CLDN16: variants seen among roughly 807,000 people sequenced by gnomAD.
CLDN16 encodes claudin 16, also known as claudin-16.
In CLDN16, 13 loss-of-function variants were observed where a neutral mutation model predicts 24.6. The ratio of observed to expected loss-of-function variants is 0.53; its 90% CI spans 0.34 to 0.84. CLDN16 has a LOEUF of 0.84. CLDN16 is among the 40% of genes least tolerant of loss of function. The pLI, the probability that CLDN16 is intolerant of heterozygous loss-of-function variation, is 0.01. For missense variants in CLDN16, 298 were observed against 292.7 expected, an observed-to-expected ratio of 1.02 and a Z score of -0.13; for synonymous variants, 116 against 106.7, an observed-to-expected ratio of 1.09 and a Z score of -0.54.
At chr3:190,323,578 GC>G (rs1403515675) in intron 1 of CLDN16, among the ~76,000 whole-genome samples, 1 of 152,142 alleles carries the variant, frequency 6.6e-6, no homozygotes, top group East Asian at 1.9e-4. Context: ...GGGAGGGGAA[GC>G]TTCTATGGTT....
At chr3:190,393,183 G>A (rs1178462648) in intron 1 of CLDN16, among the ~76,000 whole-genome samples, 1 of 152,182 alleles carries the variant, frequency 6.6e-6, no homozygotes, top group Non-Finnish European at 1.5e-5. Flanking sequence ...GGCAATTGGA[G>A]GGGTGGTGAT....
the CLDN16 span, among the ~76,000 whole-genome samples, chr3:190,299,481 T>C: frequency 6.6e-6 from 1 of 152,184 alleles, no homozygotes. Context: ...GTTTTGTTTT[T>C]GTGTCTTATT....
intron 1 of CLDN16, among the ~76,000 whole-genome samples, chr3:190,344,538 T>G (rs3909579): frequency 0.047 from 7,183 of 151,966 alleles, 568 homozygotes; most frequent in African/African-American, 0.16. Flanking sequence ...TACTATGTAT[T>G]CTGTAAATGC....
chr3:190,335,708 CAAA>C (rs34082811), intron 1 of CLDN16, among the ~76,000 whole-genome samples: 6 of 60,140 alleles, frequency 1.0e-4, no homozygotes, highest in South Asian at 9.4e-4. Context: ...AAGACTCCAT[CAAA>C]AAAAAAAAAA....
the CLDN16 span, among the ~76,000 whole-genome samples, chr3:190,305,164 C>T: frequency 1.3e-5 from 2 of 152,204 alleles, no homozygotes; most frequent in African/African-American, 4.8e-5. Flanking sequence ...TGAGACTCCA[C>T]ATTAGAGCTG....
intron 1 of CLDN16, among the ~76,000 whole-genome samples, chr3:190,363,589 T>TATATAC (rs1717953458): frequency 1.4e-5 from 2 of 138,668 alleles, no homozygotes; most frequent in East Asian, 4.3e-4. Flanking sequence ...TATATATATA[T>TATATAC]ATATATATTT....
In CLDN16 at chr3:190,408,373, A is replaced by G. The variant is rs780153615; in HGVS notation, c.442A>G (p.Thr148Ala). ...YAVDVYVERS[T>A]LVLHNIFLGI... ...TGTTGATGTGTATGTGGAACGTTCTACTTTGGTTTTGCACAATATATTTCT... is the reference window on the plus strand; with the variant it reads ...TGTTGATGTGTATGTGGAACGTTCTGCTTTGGTTTTGCACAATATATTTCT... Residue 148 changes from threonine (T) to alanine (A), a missense_variant, in exon 4 of 5, where the codon ACT (threonine) becomes GCT (alanine). Transcript: ENST00000264734. 1.9e-6 allele frequency: 3 copies of G among 1,614,058 alleles called. No individual in the cohort carries two copies. The highest frequency in any genetic ancestry group is 2.2e-5 in the South Asian group (2 of 91,078).
At chr3:190,304,348 G>A in the CLDN16 span, among the ~76,000 whole-genome samples, 9 of 152,118 alleles carry the variant, frequency 5.9e-5, no homozygotes, top group Non-Finnish European at 7.4e-5. Context: ...TTCAGCCCAG[G>A]ACAAGGTCTT....
the CLDN16 span, among the ~76,000 whole-genome samples, chr3:190,312,110 C>T: frequency 0.65 from 99,128 of 151,356 alleles, 33,555 homozygotes; most frequent in African/African-American, 0.83. Context: ...TTTGTGTTTT[C>T]AGTAGAGATG....
At chr3:190,387,319 T>C (rs565045740), upstream of CLDN16, among the ~76,000 whole-genome samples, 1 of 149,836 alleles carries the variant, frequency 6.7e-6, no homozygotes, top group African/African-American at 2.4e-5. Context: ...TATTAAAAAC[T>C]TTTTTTTACA....
At chr3:190,404,631 A>G (rs1719043154) in intron 2 of CLDN16, 131 bp from the exon 3 acceptor site, 7 of 845,726 alleles carry the variant, frequency 8.3e-6, no homozygotes, top group Non-Finnish European at 1.4e-5. Context: ...GTTCAAGTTC[A>G]TACAAAGTCT....
Position 190,408,128 on chromosome 3 carries a change from A to G in CLDN16, c.383-186A>G, listed in dbSNP as rs80235219. On this transcript the variant is annotated intron_variant, in intron 3 of 4. Transcript: ENST00000264734. ...TATAAACTGAGATAAAATTTAAAAA[A>G]GATACAAGATGGAAGGCAAAAGGAA... Among the ~76,000 whole-genome samples, 8,265 of 152,308 alleles carry G rather than the reference A, an allele frequency of 0.054. 607 individuals are homozygous for G. The highest frequency in any genetic ancestry group is 0.16 in the African/African-American group (6,769 of 41,526).
At chr3:190,408,212 C>T in intron 3 of CLDN16, 102 bp from the exon 4 acceptor site, 1 of 1,142,024 alleles carries the variant, frequency 8.8e-7, no homozygotes, top group Non-Finnish European at 1.3e-6. Context: ...CTGTTTTTAC[C>T]TCTCTGAATC....
At chr3:190,390,696 T>G (rs891240824) in intron 1 of CLDN16, among the ~76,000 whole-genome samples, 31 of 152,218 alleles carry the variant, frequency 2.0e-4, no homozygotes, top group African/African-American at 7.5e-4. Context: ...ATTTGAAGGT[T>G]CTGATGCTAG....
rs1370761708 is a variant in CLDN16, at chr3:190,402,089, G to A, written c.115-248G>A. On this transcript the variant is annotated intron_variant, in intron 1 of 4. Coordinates refer to ENST00000264734, the MANE Select transcript of CLDN16 (RefSeq NM_006580.4). ...AGCTCTGGTTTTATCTCTTCCAGAC[G>A]TGACTTATTTCTCTACCCCCACCCT... is the stretch of plus-strand genomic sequence containing the variant. Among the ~76,000 whole-genome samples the A allele has an allele frequency of 3.9e-5, 6 of 152,256 alleles. No individual in the cohort carries two copies. The South Asian group carries it at 6.2e-4, about 16-fold the overall frequency.
chr3:190,297,378 T>C, the CLDN16 span, among the ~76,000 whole-genome samples: 1 of 150,376 alleles, frequency 6.6e-6, no homozygotes, highest in Non-Finnish European at 1.5e-5. Flanking sequence ...TCTACCCAAA[T>C]GTGTGCTTGA....
At chr3:190,310,175 T>G in the CLDN16 span, 1 of 1,613,538 alleles carries the variant, frequency 6.2e-7, no homozygotes, top group Non-Finnish European at 8.5e-7. Context: ...TTACCTGGCA[T>G]TGACTGGGGT....
chr3:190,357,279 A>G (rs1451066775), intron 1 of CLDN16, among the ~76,000 whole-genome samples: 3 of 151,830 alleles, frequency 2.0e-5, no homozygotes, highest in Non-Finnish European at 4.4e-5. Flanking sequence ...GAAAAACACA[A>G]CCTTGAATCT....
At chr3:190,370,440 T>G (rs1718114115) in intron 1 of CLDN16, among the ~76,000 whole-genome samples, 1 of 151,978 alleles carries the variant, frequency 6.6e-6, no homozygotes, top group South Asian at 2.1e-4. Context: ...TACATCTTGG[T>G]TATCATCACT....
Sources: gnomAD v4.1 joint callset for allele counts (sites outside exome capture counted in the v4.1 genomes callset) on GRCh38, gnomAD v4.1.1 for gene constraint, MANE v1.5 for transcripts, NCBI Gene and HGNC (gene_info 2026-07-23, HGNC 2026-07-21) for gene names.